Variants in SBSPON observed in about 807,000 individuals in gnomAD.
SBSPON encodes somatomedin B and thrombospondin type 1 domain containing, also known as somatomedin-B and thrombospondin type-1 domain-containing protein.
A neutral mutation model predicts 35.8 loss-of-function variants in SBSPON; 30 were observed. The observed-to-expected ratio is 0.84, with a 90% CI of 0.63 to 1.14. The LOEUF (loss-of-function observed/expected upper bound fraction) is 1.14, where lower values mean the gene tolerates loss of function less well. Among genes scored for constraint, SBSPON ranks in the 50% most tolerant of loss-of-function variants. SBSPON has a pLI of 0.00. For missense variants in SBSPON, 364 were observed against 357.7 expected (o/e 1.02, Z -0.14); for synonymous variants, 136 against 135.9 (o/e 1.00, Z 0.00).
At chr8:73,084,493 CCTTCCA>C (rs1255826323) in intron 1 of SBSPON, among the ~76,000 whole-genome samples, 4 of 152,186 alleles carry the variant, frequency 2.6e-5, no homozygotes, top group Non-Finnish European at 5.9e-5. Context: ...ATCTGCCTGA[CCTTCCA>C]CTTCCACCTG....
intron 3 of SBSPON, 112 bp from the exon 4 acceptor site, chr8:73,070,093 T>C (rs758951504): frequency 3.8e-5 from 23 of 600,240 alleles, no homozygotes; most frequent in Non-Finnish European, 6.4e-5. Flanking sequence ...CTGGAGCAGG[T>C]AGTGAGTACA....
Position 73,092,977 on chromosome 8 carries a change from C to G in SBSPON, c.91G>C (p.Gly31Arg), listed in dbSNP as rs564671786. Residue 31 changes from glycine (G) to arginine (R), a missense_variant, in exon 1 of 5, where the codon GGC becomes CGC. Gly to Arg is a moderately radical substitution (Grantham distance 125). Coordinates refer to ENST00000297354, the MANE Select transcript of SBSPON (RefSeq NM_153225.4). Reference protein sequence around the residue: ...GCAEAGRCCPGRDPACFARGW... With the variant: ...GCAEAGRCCPRRDPACFARGW... Reference sequence around the variant, plus strand: ...CGGGCGAAGCAGGCGGGGTCCCGGCCGGGACAGCAGCGCCCGGCCTCGGCG... The same window carrying G: ...CGGGCGAAGCAGGCGGGGTCCCGGCGGGGACAGCAGCGCCCGGCCTCGGCG... 3.2e-6 allele frequency: 5 copies of G among 1,584,166 alleles called. No individual in the cohort carries two copies. The highest frequency in any genetic ancestry group is 2.3e-5 in the South Asian group (2 of 87,196).
chr8:73,089,002 A>G (rs1173129638), intron 1 of SBSPON, among the ~76,000 whole-genome samples: 2 of 152,206 alleles, frequency 1.3e-5, no homozygotes, highest in East Asian at 1.9e-4. Context: ...GACTTCCTGG[A>G]TCTTAGAAAG....
intron 3 of SBSPON, among the ~76,000 whole-genome samples, chr8:73,070,550 A>T (rs1810475463): frequency 6.6e-6 from 1 of 152,184 alleles, no homozygotes; most frequent in Non-Finnish European, 1.5e-5. Flanking sequence ...CAATTATCAC[A>T]GTTACATTGG....
In SBSPON at chr8:73,065,036, A is replaced by T. The variant is rs978317380; in HGVS notation, c.*2305T>A. 2 of 152,122 alleles carry T rather than the reference A, an allele frequency of 1.3e-5. No homozygotes were observed. Among genetic ancestry groups the T allele is most frequent in the African/African-American group, 4.8e-5 (2 of 41,414 alleles). The allele number at this position is 152,122 out of a possible 1,614,324, so 9.4% of individuals were successfully genotyped here. Reference sequence around the variant, plus strand: ...AAAAACTTTTGGTTTTTCATTCATCACTTGGACTACATGTTTCAGTTCTGA... The same window carrying T: ...AAAAACTTTTGGTTTTTCATTCATCTCTTGGACTACATGTTTCAGTTCTGA... On this transcript the variant is annotated 3_prime_UTR_variant, in exon 5 of 5. Transcript: ENST00000297354.
At chr8:73,084,961 T>TTGAA (rs1472215557) in intron 1 of SBSPON, among the ~76,000 whole-genome samples, 1 of 152,194 alleles carries the variant, frequency 6.6e-6, no homozygotes, top group Non-Finnish European at 1.5e-5. Context: ...ATAATATTCA[T>TTGAA]TGAATGAATG....
At position 73,092,565 on chromosome 8, in the gene SBSPON, G is replaced by C. The variant is rs192675977; in HGVS notation, c.214+289C>G. On this transcript the variant is annotated intron_variant, in intron 1 of 4. Transcript: ENST00000297354. ...CTGGAGTTTCTGAGTCGGAGATTTC[G>C]TCTCTCGGCTCCCTTCCATCCCGCT... is the stretch of plus-strand genomic sequence containing the variant. 2.1e-3 allele frequency among the ~76,000 whole-genome samples: 317 copies of C among 152,244 alleles called. 1 individual carries two copies. The highest frequency in any genetic ancestry group is 3.5e-3 in the Non-Finnish European group (239 of 68,022).
At chr8:73,091,721 A>G (rs917781264) in intron 1 of SBSPON, among the ~76,000 whole-genome samples, 2 of 152,240 alleles carry the variant, frequency 1.3e-5, no homozygotes, top group East Asian at 1.9e-4. Context: ...CAAAAATAAT[A>G]TCAATATTCA....
chr8:73,086,166 C>CTT (rs932354888), intron 1 of SBSPON, among the ~76,000 whole-genome samples: 1 of 146,574 alleles, frequency 6.8e-6, no homozygotes, highest in African/African-American at 2.5e-5. Context: ...TCTCCCTTTT[C>CTT]TTTTTTTTTT....
intron 1 of SBSPON, among the ~76,000 whole-genome samples, chr8:73,091,029 T>G (rs530743639): frequency 2.2e-4 from 34 of 152,310 alleles, no homozygotes; most frequent in African/African-American, 8.2e-4. Flanking sequence ...TCTCAAGACA[T>G]TCTCCTTGTC....
At chr8:73,083,230 A>G (rs1226020016) in intron 1 of SBSPON, among the ~76,000 whole-genome samples, 1 of 152,218 alleles carries the variant, frequency 6.6e-6, no homozygotes, top group Non-Finnish European at 1.5e-5. Context: ...GCAAAACACT[A>G]TATCCTGTTT....
At chr8:73,085,727 G>A (rs538633131) in intron 1 of SBSPON, 1 of 152,210 alleles carries the variant, frequency 6.6e-6, no homozygotes, top group East Asian at 1.9e-4. Context: ...GCTTTTCTAG[G>A]TGATGTCAAA....
At chr8:73,084,870 G>A (rs534587105) in intron 1 of SBSPON, among the ~76,000 whole-genome samples, 1 of 151,188 alleles carries the variant, frequency 6.6e-6, no homozygotes, top group East Asian at 2.0e-4. Context: ...TTATTCATTT[G>A]TTGTGTTTAT....
chr8:73,076,086 C>G (rs974026607), intron 2 of SBSPON, among the ~76,000 whole-genome samples: 2 of 152,110 alleles, frequency 1.3e-5, no homozygotes, highest in Admixed American at 1.3e-4. Context: ...GTAATGATGA[C>G]AGTTAATAGC....
chr8:73,066,460 T>C lies in SBSPON; in HGVS notation c.*881A>G, dbSNP rs1242065499. On this transcript the variant is annotated 3_prime_UTR_variant, in exon 5 of 5. Coordinates refer to ENST00000297354, the MANE Select transcript of SBSPON (RefSeq NM_153225.4). ...TATGCCTTCCATAACCGACACACCA[T>C]CCACCCCAAACATTAGAAAATGCAT... 1.3e-5 allele frequency: 2 copies of C among 152,046 alleles called. No individual in the cohort carries two copies. Among genetic ancestry groups the C allele is most frequent in the African/African-American group, 2.4e-5 (1 of 41,386 alleles). 9.4% of individuals were successfully genotyped at this position (152,046 alleles called of 1,614,324 possible).
chr8:73,071,618 G>T (rs980414616), intron 3 of SBSPON, among the ~76,000 whole-genome samples, 162 bp downstream of exon 3: 1 of 152,132 alleles, frequency 6.6e-6, no homozygotes, highest in Non-Finnish European at 1.5e-5. Context: ...AAACCAGGAG[G>T]GGACAAGTAT....
At chr8:73,075,504 G>C (rs533375610) in intron 2 of SBSPON, 1 of 152,374 alleles carries the variant, frequency 6.6e-6, no homozygotes, top group East Asian at 1.9e-4. Context: ...ATAAATCTAA[G>C]TTCCCCTTCC....
At chr8:73,071,984 C>T (rs565567543) in intron 2 of SBSPON, 114 bp from the exon 3 acceptor site, 179 of 685,540 alleles carry the variant, frequency 2.6e-4, no homozygotes, top group South Asian at 6.7e-4. Context: ...CACAGGGCTA[C>T]GGCACACCAT....
intron 2 of SBSPON, among the ~76,000 whole-genome samples, chr8:73,073,712 G>GA (rs2129997894): frequency 6.6e-6 from 1 of 150,676 alleles, no homozygotes; most frequent in African/African-American, 2.4e-5. Flanking sequence ...GGGAGGCTGG[G>GA]AAAATCACTT....
Sources: gnomAD v4.1 joint callset for allele counts (sites outside exome capture counted in the v4.1 genomes callset) on GRCh38, gnomAD v4.1.1 for gene constraint, MANE v1.5 for transcripts, NCBI Gene and HGNC (gene_info 2026-07-23, HGNC 2026-07-21) for gene names.